ICOS: variants seen among roughly 807,000 people sequenced by gnomAD.
ICOS encodes inducible T-cell costimulator.
Under a neutral mutation model 24.6 loss-of-function variants are expected in ICOS, and 15 were observed. That is an observed-to-expected ratio of 0.61 (90% CI 0.41 to 0.94). ICOS has a LOEUF of 0.94. Ranked by LOEUF, ICOS falls within the 40% of genes least tolerant of loss-of-function variation. ICOS has a pLI of 0.00. For missense variants in ICOS, 200 were observed against 233.0 expected, an observed-to-expected ratio of 0.86 and a Z score of 0.92; for synonymous variants, 89 against 77.5, an observed-to-expected ratio of 1.15 and a Z score of -0.78.
At chr2:203,951,958 T>C (rs1689983030) in intron 1 of ICOS, among the ~76,000 whole-genome samples, 1 of 152,188 alleles carries the variant, frequency 6.6e-6, no homozygotes, top group Non-Finnish European at 1.5e-5. Flanking sequence ...CTCTGGATAA[T>C]ATTGTTCCTT....
chr2:203,948,242 C>T (rs913165653), intron 1 of ICOS, among the ~76,000 whole-genome samples: 2 of 152,158 alleles, frequency 1.3e-5, no homozygotes, highest in South Asian at 4.1e-4. Context: ...TATCTTCATA[C>T]ACTTGTTTCC....
chr2:203,954,828 A>G (rs13028062), intron 1 of ICOS, among the ~76,000 whole-genome samples: 1 of 149,638 alleles, frequency 6.7e-6, no homozygotes, highest in East Asian at 1.9e-4. Context: ...CATAGTCTCT[A>G]TATATTGTAA....
chr2:203,957,999 C>G, intron 4 of ICOS, 116 bp downstream of exon 4: 1 of 653,088 alleles, frequency 1.5e-6, no homozygotes, highest in East Asian at 2.8e-5. Context: ...AGGCCTAATT[C>G]TAGAATTTTC....
intron 1 of ICOS, among the ~76,000 whole-genome samples, chr2:203,938,394 G>A (rs1287665229): frequency 6.6e-6 from 1 of 152,194 alleles, no homozygotes; most frequent in Non-Finnish European, 1.5e-5. Flanking sequence ...AATGAGGTAA[G>A]GTTAGGGAAC....
chr2:203,952,259 T>C (rs1689992642), intron 1 of ICOS, among the ~76,000 whole-genome samples: 1 of 152,174 alleles, frequency 6.6e-6, no homozygotes, highest in Non-Finnish European at 1.5e-5. Context: ...TTTTTAGTAA[T>C]TATGGAAGAA....
chr2:203,942,460 AT>A (rs1689795328), intron 1 of ICOS, among the ~76,000 whole-genome samples: 1 of 152,232 alleles, frequency 6.6e-6, no homozygotes, highest in Admixed American at 6.5e-5. Flanking sequence ...CCCAGGTACA[AT>A]GACAGCCCAG....
intron 3 of ICOS, 102 bp from the exon 4 acceptor site, chr2:203,957,697 G>T: frequency 1.2e-6 from 1 of 860,236 alleles, no homozygotes. Context: ...ACATTATCAT[G>T]TTTTTGTCAC....
chr2:203,955,516 C>T (rs1019533261), intron 1 of ICOS, 120 bp from the exon 2 acceptor site: 6 of 774,604 alleles, frequency 7.7e-6, no homozygotes, highest in Non-Finnish European at 1.3e-5. Flanking sequence ...GAAGCTGTTT[C>T]ATTTTGGTGC....
intron 1 of ICOS, among the ~76,000 whole-genome samples, chr2:203,950,849 A>C (rs1559034651): frequency 6.6e-6 from 1 of 152,130 alleles, no homozygotes; most frequent in Admixed American, 6.5e-5. Context: ...ATCGTGAGGT[A>C]AAGAGATGGA....
chr2:203,956,369 A>G (rs1282704794), intron 2 of ICOS, among the ~76,000 whole-genome samples: 1 of 152,198 alleles, frequency 6.6e-6, no homozygotes, highest in Non-Finnish European at 1.5e-5. Context: ...TGAAAATCAT[A>G]GTTTTATAAC....
chr2:203,945,487 G>A (rs573278182), intron 1 of ICOS, among the ~76,000 whole-genome samples: 2 of 152,278 alleles, frequency 1.3e-5, no homozygotes, highest in Admixed American at 1.3e-4. Context: ...TGAGAAATGT[G>A]TCCTTAGTGA....
chr2:203,959,322 C>T (rs1032106658), intron 4 of ICOS, among the ~76,000 whole-genome samples: 3 of 152,144 alleles, frequency 2.0e-5, no homozygotes, highest in Non-Finnish European at 4.4e-5. Context: ...CAGCTGCAAT[C>T]AGAGGTGGAC....
intron 1 of ICOS, among the ~76,000 whole-genome samples, chr2:203,951,106 C>T (rs1559034748): frequency 6.6e-6 from 1 of 151,900 alleles, no homozygotes; most frequent in South Asian, 2.1e-4. Flanking sequence ...ACTCTGAAAT[C>T]TTCAGCTGAT....
intron 1 of ICOS, among the ~76,000 whole-genome samples, chr2:203,947,151 T>C (rs1330999134): frequency 1.3e-5 from 2 of 152,162 alleles, no homozygotes; most frequent in Non-Finnish European, 2.9e-5. Flanking sequence ...GAATGACCTT[T>C]TCTTCAGAAA....
chr2:203,955,795 A>G lies in ICOS; in HGVS notation c.218A>G (p.Asn73Ser). 6.2e-7 allele frequency: 1 copy of G among 1,613,890 alleles called. No homozygotes were observed. The highest frequency in any genetic ancestry group is 8.5e-7 in the Non-Finnish European group (1 of 1,179,870). Reference sequence around the variant, plus strand: ...CTCACTAAGACAAAAGGAAGTGGAAACACAGTGTCCATTAAGAGTCTGAAA... The same window carrying G: ...CTCACTAAGACAAAAGGAAGTGGAAGCACAGTGTCCATTAAGAGTCTGAAA... Reference protein sequence around the residue: ...CDLTKTKGSGNTVSIKSLKFC... With the variant: ...CDLTKTKGSGSTVSIKSLKFC... Residue 73 changes from asparagine (N) to serine (S), a missense_variant, in exon 2 of 5, where the codon AAC becomes AGC. Transcript: ENST00000316386.
At chr2:203,955,038 A>G (rs1690053888) in intron 1 of ICOS, among the ~76,000 whole-genome samples, 1 of 152,144 alleles carries the variant, frequency 6.6e-6, no homozygotes, top group South Asian at 2.1e-4. Flanking sequence ...TTCTTGTCAG[A>G]GTAGTTTGAT....
chr2:203,959,656 G>GT lies in ICOS; in HGVS notation c.*58dup. On this transcript the variant is annotated 3_prime_UTR_variant, in exon 5 of 5. Transcript: ENST00000316386. Reference sequence around the variant, plus strand: ...GTTGGCCAGTTTTCCTCAACTTGAAGTGCAAGATTCTCTTATTTCCGGGAC... The same window carrying GT: ...GTTGGCCAGTTTTCCTCAACTTGAAGTTGCAAGATTCTCTTATTTCCGGGAC... The GT allele has an allele frequency of 6.5e-7, 1 of 1,530,310 alleles. No individual in the cohort carries two copies. The highest frequency in any genetic ancestry group is 2.2e-5 in the East Asian group (1 of 44,554). 94.8% of individuals were successfully genotyped at this position (1,530,310 alleles called of 1,614,324 possible).
intron 1 of ICOS, among the ~76,000 whole-genome samples, chr2:203,938,384 A>G (rs1689701741): frequency 6.6e-6 from 1 of 152,216 alleles, no homozygotes; most frequent in Non-Finnish European, 1.5e-5. Flanking sequence ...GGCAGGAAGG[A>G]ATGAGGTAAG....
chr2:203,948,784 C>T (rs538336273), intron 1 of ICOS, among the ~76,000 whole-genome samples: 5 of 152,048 alleles, frequency 3.3e-5, no homozygotes, highest in African/African-American at 7.2e-5. Context: ...TACTCTTGAA[C>T]GATGACAAAG....
Sources: allele counts gnomAD v4.1 joint callset (sites outside exome capture counted in the v4.1 genomes callset), GRCh38; gene constraint gnomAD v4.1.1; transcripts MANE v1.5; gene names NCBI Gene and HGNC (gene_info 2026-07-23, HGNC 2026-07-21).